The following CNNM4 variants were observed in gnomAD, a reference collection of about 807,000 sequenced individuals.
The protein encoded by CNNM4 is metal transporter CNNM4.
A neutral mutation model predicts 53.7 loss-of-function variants in CNNM4; 32 were observed. That is an observed-to-expected ratio of 0.60 (90% CI 0.45 to 0.80). CNNM4 has a LOEUF of 0.80. Ranked by LOEUF, CNNM4 falls within the 30% of genes least tolerant of loss-of-function variation. The pLI, the probability that CNNM4 is intolerant of heterozygous loss-of-function variation, is 0.00. For synonymous variants in CNNM4, 410 were observed against 440.0 expected (o/e 0.93, Z 0.85); for missense variants, 784 against 1,022.0 (o/e 0.77, Z 3.17).
At chr2:96,799,702 G>T (rs2079141489) in intron 5 of CNNM4, 54 bp downstream of exon 5, 2 of 1,378,562 alleles carry the variant, frequency 1.5e-6, no homozygotes, top group Admixed American at 2.0e-5. Flanking sequence ...CAGCTGGGGA[G>T]CCATGGACCG....
intron 1 of CNNM4, among the ~76,000 whole-genome samples, chr2:96,774,070 T>C (rs1023625405): frequency 6.6e-6 from 1 of 152,024 alleles, no homozygotes; most frequent in Non-Finnish European, 1.5e-5. Flanking sequence ...CCCTTCCAAA[T>C]TGGGGAGAGT....
At chr2:96,799,415 A>G in intron 4 of CNNM4, 137 bp from the exon 5 acceptor site, 1 of 1,094,582 alleles carries the variant, frequency 9.1e-7, no homozygotes, top group South Asian at 1.3e-5. Flanking sequence ...CTCACAGGTC[A>G]GGCCCCTGAG....
At chr2:96,783,555 C>T (rs745596319) in intron 1 of CNNM4, among the ~76,000 whole-genome samples, 21 of 152,236 alleles carry the variant, frequency 1.4e-4, no homozygotes, top group Non-Finnish European at 2.8e-4. Context: ...GCCGTAGCTT[C>T]TGAAACCTGC....
At chr2:96,767,699 G>A (rs2078831200) in intron 1 of CNNM4, among the ~76,000 whole-genome samples, 1 of 152,154 alleles carries the variant, frequency 6.6e-6, no homozygotes, top group Non-Finnish European at 1.5e-5. Context: ...ACTGACCTGT[G>A]AGGTGGCCTT....
intron 1 of CNNM4, among the ~76,000 whole-genome samples, chr2:96,785,154 AG>A (rs1206050343): frequency 3.3e-5 from 5 of 152,092 alleles, no homozygotes; most frequent in Non-Finnish European, 7.4e-5. Flanking sequence ...CTGGGATTAC[AG>A]GCATGAGCCA....
chr2:96,799,788 C>T (rs953016169), intron 5 of CNNM4, 140 bp downstream of exon 5: 56 of 772,690 alleles, frequency 7.2e-5, no homozygotes, highest in Admixed American at 3.0e-4. Context: ...AGGCGGGAGC[C>T]GCCAGGGCCT....
Position 96,800,402 on chromosome 2 carries a change from G to A in CNNM4, c.1948+754G>A, listed in dbSNP as rs193018127. On this transcript the variant is annotated intron_variant, in intron 5 of 6. Transcript: ENST00000377075. This position sits in a 1 kb window ranked among gnomAD's most constrained non-coding sequence, Gnocchi z 4.6. Reference sequence around the variant, plus strand: ...ACTTTGGTGCTGGAGAACAGGCCACGCCAGTGGGGTACGAGCTGCAGCTCC... The same window carrying A: ...ACTTTGGTGCTGGAGAACAGGCCACACCAGTGGGGTACGAGCTGCAGCTCC... Among the ~76,000 whole-genome samples, 2 of 152,354 alleles carry A rather than the reference G, an allele frequency of 1.3e-5. No individual in the cohort carries two copies. The highest frequency in any genetic ancestry group is 1.9e-4 in the East Asian group (1 of 5,186).
At position 96,808,880 on chromosome 2, in the gene CNNM4, G is replaced by A. The variant is rs988296856; in HGVS notation, c.2130+138G>A. 4.0e-5 allele frequency: 36 copies of A among 897,242 alleles called. No individual in the cohort carries two copies. The highest frequency in any genetic ancestry group is 3.1e-4 in the African/African-American group (19 of 60,642). The allele number at this position is 897,242 out of a possible 1,614,324, so 55.6% of individuals were successfully genotyped here. ...TCTGGAGATGGGGTCTTGCTCTGTC[G>A]CCCAGGCTGGAATGCAGTGGTGTGA... is the stretch of plus-strand genomic sequence containing the variant. On this transcript the variant is annotated intron_variant, in intron 6 of 6. Transcript: ENST00000377075. This position sits in a 1 kb window ranked among gnomAD's most constrained non-coding sequence, Gnocchi z 4.9.
In CNNM4 at chr2:96,780,274, C is replaced by G. The variant is rs553937132; in HGVS notation, c.1403-16738C>G. Among the ~76,000 whole-genome samples the G allele has an allele frequency of 5.1e-4, 78 of 152,098 alleles. 1 individual carries two copies. Among genetic ancestry groups the G allele is most frequent in the Non-Finnish European group, 8.8e-4 (60 of 67,976 alleles). On this transcript the variant is annotated intron_variant, in intron 1 of 6. Coordinates refer to ENST00000377075, the MANE Select transcript of CNNM4 (RefSeq NM_020184.4). The stretch of plus-strand genomic sequence containing the variant: ...AATGAGGGCTCTAAAATTTGATTTT[C>G]CAAAGTTTGTTATAGGTTGTTCCAT...
chr2:96,809,473 CG>C lies in CNNM4; in HGVS notation c.2285del (p.Arg762LeufsTer47). On this transcript the variant is annotated frameshift_variant, in exon 7 of 7. Coordinates refer to ENST00000377075, the MANE Select transcript of CNNM4 (RefSeq NM_020184.4). LOFTEE classifies it high-confidence loss of function. ...VDETTTLLNE[R>X]NSLLHKASHE... The stretch of plus-strand genomic sequence containing the variant: ...CGAGACCACAACTCTTCTCAACGAG[CG>C]TAACTCCTTGCTGCACAAAGCCTCC... 6.2e-7 allele frequency: 1 copy of C among 1,614,226 alleles called. No individual in the cohort carries two copies. The highest frequency in any genetic ancestry group is 1.1e-5 in the South Asian group (1 of 91,086).
chr2:96,803,220 C>T (rs181787775), intron 5 of CNNM4, among the ~76,000 whole-genome samples: 2 of 152,180 alleles, frequency 1.3e-5, no homozygotes, highest in East Asian at 1.9e-4. Context: ...CATGGATGGC[C>T]GGGAGGTGAT....
chr2:96,791,738 G>C (rs2079064152), intron 1 of CNNM4, among the ~76,000 whole-genome samples: 1 of 152,036 alleles, frequency 6.6e-6, no homozygotes, highest in Non-Finnish European at 1.5e-5. Context: ...TAAAATTGCT[G>C]ATATTCAATT....
chr2:96,809,925 T>G lies in CNNM4; in HGVS notation c.*408T>G. Reference sequence around the variant, plus strand: ...CCCGGGAAGCAACGGACATAATCTGTTCCCAGCCATGGCCTTCCAGCTTGT... The same window carrying G: ...CCCGGGAAGCAACGGACATAATCTGGTCCCAGCCATGGCCTTCCAGCTTGT... On this transcript the variant is annotated 3_prime_UTR_variant, in exon 7 of 7. Coordinates refer to ENST00000377075, the MANE Select transcript of CNNM4 (RefSeq NM_020184.4). The G allele has an allele frequency of 1.3e-5, 2 of 157,990 alleles. No homozygotes were observed. The highest frequency in any genetic ancestry group is 1.9e-4 in the East Asian group (1 of 5,402). The allele number at this position is 157,990 out of a possible 1,614,324, so 9.8% of individuals were successfully genotyped here.
rs943569595 is a variant in CNNM4, at chr2:96,777,497, C to T, written c.1402+15096C>T. Among the ~76,000 whole-genome samples the T allele has an allele frequency of 8.5e-5, 13 of 152,124 alleles. No homozygotes were observed. The South Asian group carries it at 1.2e-3, about 15-fold the overall frequency. On this transcript the variant is annotated intron_variant, in intron 1 of 6. Transcript: ENST00000377075. ...CTGAGTAGCTGGGACCACAGCTGTG[C>T]GCCACCACACCTGGCTACTTTGAGA...
At chr2:96,775,540 T>A (rs946099617) in intron 1 of CNNM4, among the ~76,000 whole-genome samples, 2 of 152,190 alleles carry the variant, frequency 1.3e-5, no homozygotes, top group African/African-American at 4.8e-5. Context: ...TATGAAGGCA[T>A]TTCTGTTAGG....
chr2:96,779,508 C>CAAA (rs1178143077), intron 1 of CNNM4, among the ~76,000 whole-genome samples: 678 of 61,950 alleles, frequency 0.011, 6 homozygotes, highest in Non-Finnish European at 0.017. Flanking sequence ...GACCTCGTCT[C>CAAA]AAAAAAAAAA....
At chr2:96,790,107 C>T (rs751082231) in intron 1 of CNNM4, among the ~76,000 whole-genome samples, 5 of 135,420 alleles carry the variant, frequency 3.7e-5, no homozygotes, top group Non-Finnish European at 6.3e-5. Flanking sequence ...CCCGGGTTCA[C>T]GCCATTCTCC....
chr2:96,788,631 A>G (rs1198797798), intron 1 of CNNM4: 1 of 152,516 alleles, frequency 6.6e-6, no homozygotes, highest in East Asian at 1.9e-4. Flanking sequence ...AGAGCAGAGA[A>G]TCGCCAAGAA....
chr2:96,801,149 C>A lies in CNNM4; in HGVS notation c.1948+1501C>A. The A allele has an allele frequency of 1.0e-6, 1 of 984,128 alleles. No individual in the cohort carries two copies. Among genetic ancestry groups the A allele is most frequent in the East Asian group, 1.1e-4 (1 of 8,810 alleles). The allele number at this position is 984,128 out of a possible 1,614,324, so 61.0% of individuals were successfully genotyped here. ...CTGGCTCACAGGTAACGTGGCACAG[C>A]TGAGGGTCACGCTGCCACCTGCTGC... On this transcript the variant is annotated intron_variant, in intron 5 of 6. Transcript: ENST00000377075. This position sits in a 1 kb window ranked among gnomAD's most constrained non-coding sequence, Gnocchi z 5.6.
Sources: gnomAD v4.1 joint callset for allele counts (sites outside exome capture counted in the v4.1 genomes callset) on GRCh38, gnomAD v4.1.1 for gene constraint, Gnocchi (gnomAD v3.1) non-coding constraint, MANE v1.5 for transcripts, NCBI Gene and HGNC (gene_info 2026-07-23, HGNC 2026-07-21) for gene names.